Variants in UBQLN3 observed in about 807,000 individuals in gnomAD.
The protein encoded by UBQLN3 is ubiquilin 3, also known as ubiquilin-3.
Under a neutral mutation model 2.9 loss-of-function variants are expected in UBQLN3, and 1 was observed. The observed-to-expected ratio is 0.35, with a 90% CI of 0.12 to 1.66. The LOEUF is 1.66. Among genes scored for constraint, UBQLN3 ranks in the 40% most tolerant of loss-of-function variants. UBQLN3 has a pLI of 0.35. For synonymous variants in UBQLN3, 358 were observed against 317.6 expected, an observed-to-expected ratio of 1.13 and a Z score of -1.35; for missense variants, 924 against 816.5, an observed-to-expected ratio of 1.13 and a Z score of -1.61.
In UBQLN3 at chr11:5,507,546, GA is replaced by G. The variant is rs1195975426; in HGVS notation, c.*44del. On this transcript the variant is annotated 3_prime_UTR_variant, in exon 2 of 2. Transcript: ENST00000311659. ...GGAGAGCTAGGGAACTAGGATATGG[GA>G]AAAAGGCACAGAGGAAAACGTATGG... 5.9e-6 allele frequency: 9 copies of G among 1,532,058 alleles called. No individual in the cohort carries two copies. The highest frequency in any genetic ancestry group is 2.1e-5 in the Admixed American group (1 of 47,404). The allele number at this position is 1,532,058 out of a possible 1,614,324, so 94.9% of individuals were successfully genotyped here.
chr11:5,507,802 G>GC lies in UBQLN3; in HGVS notation c.1756dup (p.Ala586GlyfsTer19). The stretch of plus-strand genomic sequence containing the variant: ...GGGAGGGGAAAGGAAGCCCAGCTCT[G>GC]CAGAGTCCAGTGCTGGGAACACCTC... On this transcript the variant is annotated frameshift_variant, in exon 2 of 2. Coordinates refer to ENST00000311659, the MANE Select transcript of UBQLN3 (RefSeq NM_017481.4). LOFTEE classifies it low-confidence loss of function (END_TRUNC). 6.2e-7 allele frequency: 1 copy of GC among 1,614,074 alleles called. No homozygotes were observed. The highest frequency in any genetic ancestry group is 2.2e-5 in the East Asian group (1 of 44,864).
chr11:5,507,910 G>A lies in UBQLN3; in HGVS notation c.1649C>T (p.Ala550Val), dbSNP rs748201747. ...RLLLWFMPCL[A>V]GTGSVAGGIE... ...ACCTCCTGCCACACTACCCGTCCCT[G>A]CTAGGCAAGGCATGAACCAGAGTAG... Residue 550 changes from alanine (A) to valine (V), a missense_variant, in exon 2 of 2, where the codon GCA becomes GTA. Physicochemically the swap from Ala to Val is moderately conservative, Grantham distance 64. Coordinates refer to ENST00000311659, the MANE Select transcript of UBQLN3 (RefSeq NM_017481.4). The A allele has an allele frequency of 8.1e-6, 13 of 1,613,700 alleles. No homozygotes were observed. Among genetic ancestry groups the A allele is most frequent in the Admixed American group, 6.7e-5 (4 of 60,004 alleles).
intron 1 of UBQLN3, 66 bp from the exon 2 acceptor site, chr11:5,509,660 G>C (rs1846444907): frequency 1.4e-6 from 2 of 1,471,824 alleles, no homozygotes; most frequent in Non-Finnish European, 1.8e-6. Flanking sequence ...GGAAGGGTGA[G>C]TATGAAAAGG....
At position 5,509,267 on chromosome 11, in the gene UBQLN3, T is replaced by G; in HGVS notation, c.292A>C (p.Met98Leu). 1 of 1,614,158 alleles carries G rather than the reference T, an allele frequency of 6.2e-7. No individual in the cohort carries two copies. The highest frequency in any genetic ancestry group is 8.5e-7 in the Non-Finnish European group (1 of 1,180,022). ...GAGGCAGCTGGGCACTCATTGCCCATGGCACGGTGCTGCCTCTTGATGACC... is the reference window on the plus strand; with the variant it reads ...GAGGCAGCTGGGCACTCATTGCCCAGGGCACGGTGCTGCCTCTTGATGACC... ...HLVIKRQHRA[M>L]GNECPAASVP... is the part of the protein sequence containing the mutation. The change falls in exon 2 of 2, where the codon ATG becomes CTG. Residue 98 changes from methionine (M) to leucine (L), a missense_variant. Physicochemically the swap from Met to Leu is conservative, Grantham distance 15. Transcript: ENST00000311659.
chr11:5,509,560 G>A lies in UBQLN3; in HGVS notation c.-2C>T. 2 of 1,611,096 alleles carry A rather than the reference G, an allele frequency of 1.2e-6. No individual in the cohort carries two copies. Among genetic ancestry groups the A allele is most frequent in the Non-Finnish European group, 1.7e-6 (2 of 1,178,392 alleles). On this transcript the variant is annotated 5_prime_UTR_variant, in exon 2 of 2. Transcript: ENST00000311659. ...CAGGGCTTCTCCACCTTTGGCCATGGTGGCAGCAGGAGGCCCAGATCTGTG... is the reference window on the plus strand; with the variant it reads ...CAGGGCTTCTCCACCTTTGGCCATGATGGCAGCAGGAGGCCCAGATCTGTG...
In UBQLN3 at chr11:5,509,258, C is replaced by T; in HGVS notation, c.301G>A (p.Glu101Lys). The change falls in exon 2 of 2, where the codon GAG becomes AAG. Residue 101 changes from glutamate to lysine, a missense_variant. Physicochemically the swap from Glu to Lys is moderately conservative, Grantham distance 56. Transcript: ENST00000311659. Reference sequence around the variant, plus strand: ...GTAGGGACAGAGGCAGCTGGGCACTCATTGCCCATGGCACGGTGCTGCCTC... The same window carrying T: ...GTAGGGACAGAGGCAGCTGGGCACTTATTGCCCATGGCACGGTGCTGCCTC... ...IKRQHRAMGNECPAASVPTQG... is the reference protein window; with the variant it reads ...IKRQHRAMGNKCPAASVPTQG... The T allele has an allele frequency of 1.9e-6, 3 of 1,614,198 alleles. No individual in the cohort carries two copies. The highest frequency in any genetic ancestry group is 2.5e-6 in the Non-Finnish European group (3 of 1,180,026).
intron 1 of UBQLN3, 72 bp from the exon 2 acceptor site, chr11:5,509,666 A>C: frequency 1.2e-5 from 17 of 1,465,238 alleles, no homozygotes; most frequent in Non-Finnish European, 1.5e-5. Flanking sequence ...GTGAGTATGA[A>C]AAGGGTCTTG....
rs1018254473 is a variant in UBQLN3, at chr11:5,508,107, T to C, written c.1452A>G (p.Arg484=). The change falls in exon 2 of 2, where the codon AGA becomes AGG. Residue 484 remains arginine (R), a synonymous_variant. Coordinates refer to ENST00000311659, the MANE Select transcript of UBQLN3 (RefSeq NM_017481.4). This position sits in a 1 kb window ranked among gnomAD's most constrained non-coding sequence, Gnocchi z 4.2. The part of the protein sequence containing the change: ...PPWLPSPAYP[R]SLRPDGMNPA... ...GATTCATGCCATCTGGCCTCAGAGATCTTGGATAAGCCGGGGATGGCAGCC... is the reference window on the plus strand; with the variant it reads ...GATTCATGCCATCTGGCCTCAGAGACCTTGGATAAGCCGGGGATGGCAGCC... 2 of 1,614,038 alleles carry C rather than the reference T, an allele frequency of 1.2e-6. No individual in the cohort carries two copies. The highest frequency in any genetic ancestry group is 1.7e-5 in the Admixed American group (1 of 60,010).
At position 5,507,815 on chromosome 11, in the gene UBQLN3, C is replaced by T. The variant is rs1366178741; in HGVS notation, c.1744G>A (p.Ala582Thr). The change falls in exon 2 of 2, where the codon GCA (alanine) becomes ACA (threonine). Residue 582 changes from alanine (A) to threonine (T), a missense_variant. Transcript: ENST00000311659. ...LPNPPPEVFP[A>T]LDSAELGFLS... The stretch of plus-strand genomic sequence containing the variant: ...AAGCCCAGCTCTGCAGAGTCCAGTG[C>T]TGGGAACACCTCAGGAGGTGGATTT... 1 of 1,614,028 alleles carries T rather than the reference C, an allele frequency of 6.2e-7. No individual in the cohort carries two copies. The highest frequency in any genetic ancestry group is 2.2e-5 in the East Asian group (1 of 44,862).
rs762531568 is a variant in UBQLN3, at chr11:5,509,267, T to C, written c.292A>G (p.Met98Val). ...GAGGCAGCTGGGCACTCATTGCCCA[T>C]GGCACGGTGCTGCCTCTTGATGACC... The part of the protein sequence containing the change: ...HLVIKRQHRA[M>V]GNECPAASVP... Residue 98 changes from methionine (M) to valine (V), a missense_variant, in exon 2 of 2, where the codon ATG becomes GTG. Met to Val is a conservative substitution (Grantham distance 21). Transcript: ENST00000311659. 6.2e-7 allele frequency: 1 copy of C among 1,614,040 alleles called. No individual in the cohort carries two copies. The highest frequency in any genetic ancestry group is 1.3e-5 in the African/African-American group (1 of 74,930).
rs773892477 is a variant in UBQLN3 at position 5,509,410 on chromosome 11, A to C, written c.149T>G (p.Ile50Arg). 1.2e-6 allele frequency: 2 copies of C among 1,614,074 alleles called. No homozygotes were observed. Among genetic ancestry groups the C allele is most frequent in the East Asian group, 2.2e-5 (1 of 44,890 alleles). The part of the protein sequence containing the change: ...TCTIQQLKEE[I>R]SQRFKAHPDQ... Reference sequence around the variant, plus strand: ...GGGGTGGGCCTTAAAGCGCTGAGATATCTCTTCCTTCAGCTGCTGGATAGT... The same window carrying C: ...GGGGTGGGCCTTAAAGCGCTGAGATCTCTCTTCCTTCAGCTGCTGGATAGT... Residue 50 changes from isoleucine to arginine, a missense_variant, in exon 2 of 2, where the codon ATA (isoleucine) becomes AGA (arginine). By Grantham distance (97) the Ile-to-Arg change is moderately conservative (BLOSUM62 -3). Transcript: ENST00000311659.
At position 5,509,526 on chromosome 11, in the gene UBQLN3, G is replaced by A; in HGVS notation, c.33C>T (p.Gly11=). The part of the protein sequence containing the change: MAKGGEALPQ[G]SPAPVQDPHL... Reference sequence around the variant, plus strand: ...GGGGATCCTGGACTGGTGCTGGGCTGCCCTGTGGCAGGGCTTCTCCACCTT... The same window carrying A: ...GGGGATCCTGGACTGGTGCTGGGCTACCCTGTGGCAGGGCTTCTCCACCTT... The change falls in exon 2 of 2, where the codon GGC becomes GGT. Residue 11 remains glycine, a synonymous_variant. Coordinates refer to ENST00000311659, the MANE Select transcript of UBQLN3 (RefSeq NM_017481.4). 2 of 1,614,024 alleles carry A rather than the reference G, an allele frequency of 1.2e-6. No homozygotes were observed. Among genetic ancestry groups the A allele is most frequent in the East Asian group, 2.2e-5 (1 of 44,878 alleles).
rs886730870 is a variant in UBQLN3 at position 5,509,240 on chromosome 11, C to G, written c.319G>C (p.Val107Leu). The stretch of plus-strand genomic sequence containing the variant: ...CCAGGACTTGGGCCCTGGGTAGGGA[C>G]AGAGGCAGCTGGGCACTCATTGCCC... ...AMGNECPAASVPTQGPSPGSL... is the reference protein window; with the variant it reads ...AMGNECPAASLPTQGPSPGSL... Residue 107 changes from valine to leucine, a missense_variant, in exon 2 of 2, where the codon GTC becomes CTC. Physicochemically the swap from Val to Leu is conservative, Grantham distance 32 (BLOSUM62 1). Transcript: ENST00000311659. The G allele has an allele frequency of 1.1e-5, 18 of 1,614,028 alleles. No homozygotes were observed. Among genetic ancestry groups the G allele is most frequent in the Non-Finnish European group, 1.4e-5 (17 of 1,180,028 alleles).
At position 5,509,483 on chromosome 11, in the gene UBQLN3, C is replaced by G. The variant is rs750409423; in HGVS notation, c.76G>C (p.Val26Leu). 6.2e-7 allele frequency: 1 copy of G among 1,614,228 alleles called. No individual in the cohort carries two copies. Among genetic ancestry groups the G allele is most frequent in the South Asian group, 1.1e-5 (1 of 91,090 alleles). The change falls in exon 2 of 2, where the codon GTG becomes CTG. Residue 26 changes from valine to leucine, a missense_variant. Physicochemically the swap from Val to Leu is conservative, Grantham distance 32 (BLOSUM62 1). Transcript: ENST00000311659. ...VQDPHLIKVT[V>L]KTPKDKEDFS... The stretch of plus-strand genomic sequence containing the variant: ...TCCTCCTTGTCTTTGGGCGTCTTCA[C>G]TGTCACCTTGATGAGGTGGGGATCC...
In UBQLN3 at chr11:5,509,476, G is replaced by A. The variant is rs765129323; in HGVS notation, c.83C>T (p.Thr28Met). ...DPHLIKVTVK[T>M]PKDKEDFSVT... ...TGAGAAATCCTCCTTGTCTTTGGGC[G>A]TCTTCACTGTCACCTTGATGAGGTG... Residue 28 changes from threonine (T) to methionine (M), a missense_variant, in exon 2 of 2, where the codon ACG becomes ATG. Physicochemically the swap from Thr to Met is moderately conservative, Grantham distance 81 (BLOSUM62 -1). Transcript: ENST00000311659. 6.0e-5 allele frequency: 97 copies of A among 1,614,098 alleles called. No individual in the cohort carries two copies. In the East Asian group the frequency reaches 1.2e-3, roughly 21 times the overall value.
Position 5,508,255 on chromosome 11 carries a change from G to C in UBQLN3, c.1304C>G (p.Thr435Ser). 1 of 1,614,170 alleles carries C rather than the reference G, an allele frequency of 6.2e-7. No individual in the cohort carries two copies. Among genetic ancestry groups the C allele is most frequent in the Non-Finnish European group, 8.5e-7 (1 of 1,180,022 alleles). ...ATCAGGCAAGTTTGTGCTATGTCCA[G>C]TAGAGCTTTTCCCTGCACCATCTTG... ...GDQDGAGKSS[T>S]GHSTNLPDLV... The change falls in exon 2 of 2, where the codon ACT (threonine) becomes AGT (serine). Residue 435 changes from threonine (T) to serine (S), a missense_variant. Physicochemically the swap from Thr to Ser is moderately conservative, Grantham distance 58. Coordinates refer to ENST00000311659, the MANE Select transcript of UBQLN3 (RefSeq NM_017481.4). This position sits in a 1 kb window ranked among gnomAD's most constrained non-coding sequence, Gnocchi z 4.2.
At position 5,509,178 on chromosome 11, in the gene UBQLN3, A is replaced by G; in HGVS notation, c.381T>C (p.Asp127=). 1.2e-6 allele frequency: 2 copies of G among 1,613,930 alleles called. No homozygotes were observed. Among genetic ancestry groups the G allele is most frequent in the Non-Finnish European group, 1.7e-6 (2 of 1,179,834 alleles). ...LPQPSSIYPA[D]GPPAFSLGLL... ...GACCTAAGCTAAAGGCAGGGGGCCC[A>G]TCTGCTGGGTAAATGGAGCTTGGCT... Residue 127 remains aspartate (D), a synonymous_variant, in exon 2 of 2, where the codon GAT becomes GAC. Coordinates refer to ENST00000311659, the MANE Select transcript of UBQLN3 (RefSeq NM_017481.4).
At position 5,507,885 on chromosome 11, in the gene UBQLN3, A is replaced by G; in HGVS notation, c.1674T>C (p.Gly558=). ...TAAGGGGATCTTCTCTAGACTCTATACCTCCTGCCACACTACCCGTCCCTG... is the reference window on the plus strand; with the variant it reads ...TAAGGGGATCTTCTCTAGACTCTATGCCTCCTGCCACACTACCCGTCCCTG... ...CLAGTGSVAG[G]IESREDPLMS... The change falls in exon 2 of 2, where the codon GGT becomes GGC. Residue 558 remains glycine, a synonymous_variant. Coordinates refer to ENST00000311659, the MANE Select transcript of UBQLN3 (RefSeq NM_017481.4). 1 of 1,613,548 alleles carries G rather than the reference A, an allele frequency of 6.2e-7. No homozygotes were observed.
At chr11:5,509,734 G>T (rs1285369670) in intron 1 of UBQLN3, 140 bp from the exon 2 acceptor site, 6 of 1,098,260 alleles carry the variant, frequency 5.5e-6, no homozygotes, top group Middle Eastern at 3.1e-4. Context: ...AGGTTTCTGG[G>T]GCAGGATGCT....
Sources: gnomAD v4.1 joint callset for allele counts on GRCh38, gnomAD v4.1.1 for gene constraint, Gnocchi (gnomAD v3.1) non-coding constraint, MANE v1.5 for transcripts, NCBI Gene and HGNC (gene_info 2026-07-23, HGNC 2026-07-21) for gene names.